Variants in DNAH7 observed in about 807,000 individuals in gnomAD.
The protein encoded by DNAH7 is axonemal beta dynein heavy chain 7.
Under a neutral mutation model 444.6 loss-of-function variants are expected in DNAH7, and 397 were observed. The observed-to-expected ratio is 0.89, with a 90% CI of 0.82 to 0.97. DNAH7 has a LOEUF of 0.97. DNAH7 is among the 50% of genes least tolerant of loss of function. The pLI, the probability that DNAH7 is intolerant of heterozygous loss-of-function variation, is 0.00. For synonymous variants in DNAH7, 1,636 were observed against 1,624.4 expected (o/e 1.01, Z -0.17); for missense variants, 4,902 against 4,800.8 (o/e 1.02, Z -0.62).
At chr2:196,018,499 T>C (rs1420192221) in intron 9 of DNAH7, among the ~76,000 whole-genome samples, 1 of 152,048 alleles carries the variant, frequency 6.6e-6, no homozygotes, top group African/African-American at 2.4e-5. Context: ...ATTCATAGTA[T>C]CAGAAACTGA....
chr2:196,008,620 A>T (rs751287911), intron 10 of DNAH7, among the ~76,000 whole-genome samples: 4 of 152,238 alleles, frequency 2.6e-5, no homozygotes, highest in African/African-American at 4.8e-5. Context: ...TGACATATTG[A>T]TACATGCTAT....
At chr2:195,802,336 C>A (rs1053796017) in intron 54 of DNAH7, among the ~76,000 whole-genome samples, 2 of 152,148 alleles carry the variant, frequency 1.3e-5, no homozygotes, top group Admixed American at 6.6e-5. Flanking sequence ...CATGGTGAAA[C>A]CCTGTCTCTA....
chr2:195,857,393 T>C lies in DNAH7; in HGVS notation c.8398A>G (p.Met2800Val), dbSNP rs576225099. ...AGCACTTACTTATCATATGAATCCA[T>C]TGCTATGACCCATTTGCACAGACCT... ...AEGLCKWVIA[M>V]DSYDKVAKIV... The change falls in exon 44 of 65, where the codon ATG becomes GTG. Residue 2800 changes from methionine to valine, a missense_variant. Transcript: ENST00000312428. The C allele has an allele frequency of 1.3e-5, 20 of 1,581,128 alleles. No homozygotes were observed. The highest frequency in any genetic ancestry group is 9.3e-5 in the Admixed American group (5 of 53,686).
intron 5 of DNAH7, among the ~76,000 whole-genome samples, chr2:196,042,201 G>C (rs1327277669): frequency 6.6e-6 from 1 of 151,826 alleles, no homozygotes; most frequent in East Asian, 1.9e-4. Flanking sequence ...TGTTGCAAAA[G>C]TAATTACAGA....
chr2:196,016,520 T>C (rs1390415861), intron 9 of DNAH7, among the ~76,000 whole-genome samples: 2 of 152,176 alleles, frequency 1.3e-5, no homozygotes, highest in Non-Finnish European at 1.5e-5. Flanking sequence ...AAGAATGCAT[T>C]TCCTGGAAGT....
chr2:195,886,843 A>C (rs996948575), intron 33 of DNAH7, among the ~76,000 whole-genome samples: 1 of 152,188 alleles, frequency 6.6e-6, no homozygotes, highest in African/African-American at 2.4e-5. Flanking sequence ...AAGTTCTCAT[A>C]GGCGTTTGTC....
At position 195,852,104 on chromosome 2, in the gene DNAH7, A is replaced by G. The variant is rs191900482; in HGVS notation, c.8781+1239T>C. Among the ~76,000 whole-genome samples the G allele has an allele frequency of 2.0e-5, 3 of 152,116 alleles. No individual in the cohort carries two copies. The South Asian group carries it at 6.2e-4, about 32-fold the overall frequency. On this transcript the variant is annotated intron_variant, in intron 46 of 64. Coordinates refer to ENST00000312428, the MANE Select transcript of DNAH7 (RefSeq NM_018897.3). The stretch of plus-strand genomic sequence containing the variant: ...AAACCCCGTCTCTACTAAAAATACA[A>G]AAAATTAGCCAGGCGTGGTGGCGGG...
intron 5 of DNAH7, among the ~76,000 whole-genome samples, chr2:196,033,487 C>T (rs1027709896): frequency 3.9e-5 from 6 of 152,206 alleles, no homozygotes; most frequent in South Asian, 2.1e-4. Flanking sequence ...TGGTAACAAC[C>T]ATTCTACTCT....
intron 12 of DNAH7, among the ~76,000 whole-genome samples, chr2:195,998,564 CAAAAAA>C (rs539748720): frequency 1.0e-5 from 1 of 96,970 alleles, no homozygotes; most frequent in African/African-American, 3.5e-5. Flanking sequence ...GACTCCAACT[CAAAAAA>C]AAAAAAAAAA....
Position 196,051,238 on chromosome 2 carries a change from G to T in DNAH7, c.90C>A (p.Ala30=). 1 of 1,613,570 alleles carries T rather than the reference G, an allele frequency of 6.2e-7. No individual in the cohort carries two copies. The highest frequency in any genetic ancestry group is 8.5e-7 in the Non-Finnish European group (1 of 1,179,686). The change falls in exon 3 of 65, where the codon GCC becomes GCA. Residue 30 remains alanine (A), a synonymous_variant. Coordinates refer to ENST00000312428, the MANE Select transcript of DNAH7 (RefSeq NM_018897.3). ...CTGGTGCCTTGAACTTTTCTTTGCT[G>T]GCTAATTTCTCCTGTGTGAAAAATA... ...FLPQLSMEKL[A]SKEKFKAPAR... is the part of the protein sequence containing the mutation.
At chr2:195,935,739 G>T (rs1689005040) in intron 20 of DNAH7, among the ~76,000 whole-genome samples, 1 of 152,094 alleles carries the variant, frequency 6.6e-6, no homozygotes, top group Admixed American at 6.6e-5. Flanking sequence ...TTTAAATATG[G>T]TGGTCAGGGA....
intron 19 of DNAH7, among the ~76,000 whole-genome samples, chr2:195,940,200 G>A (rs1304377158): frequency 1.3e-5 from 2 of 152,064 alleles, no homozygotes; most frequent in Admixed American, 1.3e-4. Flanking sequence ...ACAGAACAGA[G>A]ACCTCAGAAA....
intron 21 of DNAH7, among the ~76,000 whole-genome samples, chr2:195,930,340 C>CAAA (rs1688610389): frequency 6.7e-6 from 1 of 150,188 alleles, no homozygotes; most frequent in Non-Finnish European, 1.5e-5. Flanking sequence ...GACACCGCCT[C>CAAA]AAAAAAAGAA....
At chr2:195,950,879 A>AAAAAC (rs1559262968) in intron 19 of DNAH7, among the ~76,000 whole-genome samples, 6 of 145,182 alleles carry the variant, frequency 4.1e-5, no homozygotes, top group Non-Finnish European at 9.0e-5. Context: ...AAAAAAAAAA[A>AAAAAC]CCCAGCTCCT....
At chr2:195,883,451 T>C (rs1037488926) in intron 35 of DNAH7, among the ~76,000 whole-genome samples, 375 of 121,064 alleles carry the variant, frequency 3.1e-3, no homozygotes, top group African/African-American at 9.2e-3. Flanking sequence ...CAGTCCCCGC[T>C]CCCCCCCCCC....
At position 195,970,016 on chromosome 2, in the gene DNAH7, G is replaced by A. The variant is rs1559287227; in HGVS notation, c.2137C>T (p.Gln713Ter). 1 of 1,612,496 alleles carries A rather than the reference G, an allele frequency of 6.2e-7. No individual in the cohort carries two copies. Residue 713 changes from glutamine to a stop codon, truncating the protein, a stop_gained, in exon 17 of 65, where the codon CAG (glutamine) becomes TAG (stop). Coordinates refer to ENST00000312428, the MANE Select transcript of DNAH7 (RefSeq NM_018897.3). LOFTEE classifies it high-confidence loss of function. ...SEEFYSFGDL[Q>*]DVQRYLKKAQ... ...TTTTTTAGGTACCGCTGAACATCCTGAAGATCTCCAAATGAATAAAATTCT... is the reference window on the plus strand; with the variant it reads ...TTTTTTAGGTACCGCTGAACATCCTAAAGATCTCCAAATGAATAAAATTCT...
chr2:195,886,216 G>C lies in DNAH7; in HGVS notation c.5463C>G (p.Asp1821Glu). 6.2e-7 allele frequency: 1 copy of C among 1,613,788 alleles called. No homozygotes were observed. The highest frequency in any genetic ancestry group is 8.5e-7 in the Non-Finnish European group (1 of 1,179,822). ...CATCAGCAAAATCATCCATAAAACAGTCTATTAGATTCATTAAGGACCGGA... is the reference window on the plus strand; with the variant it reads ...CATCAGCAAAATCATCCATAAAACACTCTATTAGATTCATTAAGGACCGGA... Reference protein sequence around the residue: ...NLVRSLMNLIDCFMDDFADEV... With the variant: ...NLVRSLMNLIECFMDDFADEV... Residue 1821 changes from aspartate (D) to glutamate (E), a missense_variant, in exon 34 of 65, where the codon GAC (aspartate) becomes GAG (glutamate). Asp to Glu is a conservative substitution (Grantham distance 45). Coordinates refer to ENST00000312428, the MANE Select transcript of DNAH7 (RefSeq NM_018897.3).
At chr2:195,964,698 C>G (rs1245203238) in intron 17 of DNAH7, among the ~76,000 whole-genome samples, 1 of 117,030 alleles carries the variant, frequency 8.5e-6, no homozygotes, top group Non-Finnish European at 1.8e-5. Flanking sequence ...CACCCCATCT[C>G]TACTAAAAAT....
intron 51 of DNAH7, among the ~76,000 whole-genome samples, chr2:195,815,616 T>C (rs1697180725): frequency 6.6e-6 from 1 of 152,216 alleles, no homozygotes; most frequent in South Asian, 2.1e-4. Flanking sequence ...CTGAAGTATT[T>C]AGGTTCATAC....
Sources: gnomAD v4.1 joint callset for allele counts (sites outside exome capture counted in the v4.1 genomes callset) on GRCh38, gnomAD v4.1.1 for gene constraint, MANE v1.5 for transcripts, NCBI Gene and HGNC (gene_info 2026-07-23, HGNC 2026-07-21) for gene names.